Variants in RIC1 observed in about 807,000 individuals in gnomAD.
RIC1 encodes the protein RIC1 partner of RAB6A GEF complex, also known as guanine nucleotide exchange factor subunit RIC1.
In RIC1, 88 loss-of-function variants were observed where a neutral mutation model predicts 169.0. The ratio of observed to expected loss-of-function variants is 0.52; its 90% confidence interval spans 0.44 to 0.62. The LOEUF (loss-of-function observed/expected upper bound fraction) is 0.62. Among genes scored for constraint, RIC1 ranks in the 20% least tolerant of loss-of-function variants. The pLI is 0.00. For synonymous variants in RIC1, 790 were observed against 601.5 expected (o/e 1.31, Z -4.59); for missense variants, 1,877 against 1,725.5 (o/e 1.09, Z -1.56).
In RIC1 at chr9:5,746,065, C is replaced by T; in HGVS notation, c.1230C>T (p.Leu410=). The T allele has an allele frequency of 6.2e-7, 1 of 1,612,916 alleles. No individual in the cohort carries two copies. The change falls in exon 11 of 26, where the codon CTC becomes CTT. Residue 410 remains leucine, a synonymous_variant. Coordinates refer to ENST00000414202, the MANE Select transcript of RIC1 (RefSeq NM_020829.4). ...ILLFQFIKSV[L]TVNPCMSNQE... ...TATTTCAGTTTATTAAGAGTGTACT[C>T]ACTGTAAACCCTTGTATGGTAAGTA...
In RIC1 at chr9:5,770,837, C is replaced by G. The variant is rs377725396; in HGVS notation, c.3616+559C>G. Reference sequence around the variant, plus strand: ...TGGTGCTTTTACAAAAAAATGTACACCAACCTCTGCTCTGTAGTAATGGGT... The same window carrying G: ...TGGTGCTTTTACAAAAAAATGTACAGCAACCTCTGCTCTGTAGTAATGGGT... On this transcript the variant is annotated intron_variant, in intron 23 of 25. Coordinates refer to ENST00000414202, the MANE Select transcript of RIC1 (RefSeq NM_020829.4). Among the ~76,000 whole-genome samples, 7 of 152,278 alleles carry G rather than the reference C, an allele frequency of 4.6e-5. No individual in the cohort carries two copies. The South Asian group carries it at 1.5e-3, about 32-fold the overall frequency.
intron 7 of RIC1, among the ~76,000 whole-genome samples, chr9:5,736,481 G>A (rs943759462): frequency 3.9e-5 from 6 of 152,114 alleles, no homozygotes; most frequent in Non-Finnish European, 7.3e-5. Flanking sequence ...AGTGTTTGTA[G>A]GCTGCAGCAC....
intron 2 of RIC1, among the ~76,000 whole-genome samples, chr9:5,680,728 T>G (rs1237617371): frequency 6.6e-6 from 1 of 152,054 alleles, no homozygotes; most frequent in Admixed American, 6.6e-5. Flanking sequence ...GTCTGTTTGA[T>G]TCTTCTCCGT....
chr9:5,728,134 C>T (rs930568925), intron 6 of RIC1, among the ~76,000 whole-genome samples: 1 of 152,240 alleles, frequency 6.6e-6, no homozygotes, highest in Non-Finnish European at 1.5e-5. Flanking sequence ...TATACCCTGC[C>T]CCCAGAGGTG....
downstream of RIC1, among the ~76,000 whole-genome samples, chr9:5,777,784 G>C (rs189863662): frequency 6.6e-6 from 1 of 152,074 alleles, no homozygotes; most frequent in Non-Finnish European, 1.5e-5. Context: ...AACTATAGAG[G>C]TATGGGTTTA....
intron 21 of RIC1, among the ~76,000 whole-genome samples, chr9:5,766,999 A>C (rs1275636333): frequency 6.6e-6 from 1 of 152,198 alleles, no homozygotes. Context: ...ATCCATGCCA[A>C]CATCTACTGT....
chr9:5,725,267 C>G (rs944474704), intron 6 of RIC1, among the ~76,000 whole-genome samples: 1 of 152,168 alleles, frequency 6.6e-6, no homozygotes, highest in Non-Finnish European at 1.5e-5. Flanking sequence ...GATTCAGCTT[C>G]TTCCTGGTTT....
intron 3 of RIC1, among the ~76,000 whole-genome samples, chr9:5,696,187 C>G (rs1434105518): frequency 6.6e-6 from 1 of 151,990 alleles, no homozygotes; most frequent in East Asian, 1.9e-4. Context: ...AAAGCTTATT[C>G]ACTAACTCAT....
In RIC1 at chr9:5,742,929, T is replaced by C. The variant is rs1313517915; in HGVS notation, c.962T>C (p.Val321Ala). 1 of 1,613,400 alleles carries C rather than the reference T, an allele frequency of 6.2e-7. No homozygotes were observed. The highest frequency in any genetic ancestry group is 1.3e-5 in the African/African-American group (1 of 75,006). Residue 321 changes from valine to alanine, a missense_variant, in exon 9 of 26, where the codon GTA (valine) becomes GCA (alanine). By Grantham distance (64) the Val-to-Ala change is moderately conservative (BLOSUM62 0). This residue lies in a region of RIC1 where 1,104 missense variants were observed against 992.0 expected (regional missense o/e 1.11). Coordinates refer to ENST00000414202, the MANE Select transcript of RIC1 (RefSeq NM_020829.4). The part of the protein sequence containing the change: ...LMRWSPDNSV[V>A]IVTWEYGGLS... ...AGATGGTCTCCTGACAATAGTGTTGTAATAGTGACCTGGGAATACGGAGGC... is the reference window on the plus strand; with the variant it reads ...AGATGGTCTCCTGACAATAGTGTTGCAATAGTGACCTGGGAATACGGAGGC...
intron 1 of RIC1, among the ~76,000 whole-genome samples, chr9:5,653,534 C>A (rs1438506024): frequency 6.6e-6 from 1 of 152,114 alleles, no homozygotes. Flanking sequence ...CATATTGTGA[C>A]AGTATTGAGT....
chr9:5,731,301 G>A (rs1371643761), intron 6 of RIC1, among the ~76,000 whole-genome samples: 2 of 152,004 alleles, frequency 1.3e-5, no homozygotes, highest in African/African-American at 4.8e-5. Context: ...GCAGTTCAGA[G>A]AAATAATGCT....
chr9:5,745,888 T>G, intron 10 of RIC1, 43 bp from the exon 11 acceptor site: 10 of 1,567,406 alleles, frequency 6.4e-6, no homozygotes, highest in Non-Finnish European at 7.0e-6. Context: ...TACAAAAGCC[T>G]TTTATTGCTC....
intron 2 of RIC1, among the ~76,000 whole-genome samples, chr9:5,671,519 G>T (rs1404586319): frequency 6.6e-6 from 1 of 152,098 alleles, no homozygotes. Context: ...CAGGTGACCC[G>T]CCTGCCCCGG....
intron 6 of RIC1, among the ~76,000 whole-genome samples, chr9:5,726,901 T>C (rs1405895552): frequency 1.3e-5 from 2 of 152,250 alleles, no homozygotes; most frequent in African/African-American, 4.8e-5. Context: ...TTCTGGCTTG[T>C]AGAGTTTCTG....
At chr9:5,670,305 A>T (rs1269973079) in intron 2 of RIC1, among the ~76,000 whole-genome samples, 2 of 152,212 alleles carry the variant, frequency 1.3e-5, no homozygotes, top group African/African-American at 4.8e-5. Context: ...TGCCTGAACT[A>T]AGTCTGCTGC....
chr9:5,767,656 C>G (rs1826880523), intron 21 of RIC1, among the ~76,000 whole-genome samples: 1 of 152,146 alleles, frequency 6.6e-6, no homozygotes, highest in African/African-American at 2.4e-5. Flanking sequence ...GGCTTGATCT[C>G]GGCTCATCGC....
chr9:5,731,831 A>C (rs1412511464), intron 6 of RIC1, among the ~76,000 whole-genome samples: 1 of 152,182 alleles, frequency 6.6e-6, no homozygotes, highest in African/African-American at 2.4e-5. Context: ...AAAAAGATCA[A>C]ATACTTATTT....
chr9:5,662,827 C>CT (rs1233578227), intron 2 of RIC1, among the ~76,000 whole-genome samples: 1 of 152,100 alleles, frequency 6.6e-6, no homozygotes, highest in Non-Finnish European at 1.5e-5. Context: ...TTTCATGTCT[C>CT]TATCTCCTTC....
Position 5,689,976 on chromosome 9 carries a change from C to G in RIC1, c.270C>G (p.Ile90Met), listed in dbSNP as rs761849561. The change falls in exon 3 of 26, where the codon ATC becomes ATG. Residue 90 changes from isoleucine to methionine, a missense_variant. Ile to Met is a conservative substitution (Grantham distance 10, BLOSUM62 1). Transcript: ENST00000414202. ...MIAVSTANGY[I>M]LFFHITSTRG... Reference sequence around the variant, plus strand: ...TCTTTCAGACGGCAAATGGATACATCTTGTTTTTTCATATTACATCTACAA... The same window carrying G: ...TCTTTCAGACGGCAAATGGATACATGTTGTTTTTTCATATTACATCTACAA... 1.9e-6 allele frequency: 3 copies of G among 1,601,474 alleles called. No individual in the cohort carries two copies. The highest frequency in any genetic ancestry group is 4.5e-5 in the East Asian group (2 of 44,446).
Sources: allele counts gnomAD v4.1 joint callset (sites outside exome capture counted in the v4.1 genomes callset), GRCh38; gene constraint gnomAD v4.1.1; regional missense constraint gnomAD v4.1.1; transcripts MANE v1.5; gene names NCBI Gene and HGNC (gene_info 2026-07-23, HGNC 2026-07-21).